AGPS: variants seen among roughly 807,000 people sequenced by gnomAD.
AGPS encodes the protein alkyldihydroxyacetonephosphate synthase, peroxisomal.
AGPS carries 26 observed loss-of-function variants against 90.7 expected under a neutral mutation model. The ratio of observed to expected loss-of-function variants is 0.29; its 90% CI spans 0.21 to 0.40. The LOEUF is 0.40. Among genes scored for constraint, AGPS ranks in the 10% least tolerant of loss-of-function variants. The probability of loss-of-function intolerance (pLI) is 1.00; values close to 1 mark genes in which losing one functional copy is unlikely to be tolerated. For missense variants in AGPS, 540 were observed against 816.1 expected, an observed-to-expected ratio of 0.66 and a Z score of 4.12; for synonymous variants, 294 against 285.3, an observed-to-expected ratio of 1.03 and a Z score of -0.31.
chr2:177,524,976 T>C (rs1219830224), intron 19 of AGPS, among the ~76,000 whole-genome samples: 1 of 152,238 alleles, frequency 6.6e-6, no homozygotes, highest in Non-Finnish European at 1.5e-5. Flanking sequence ...TCTTTTGCTA[T>C]ACTTTTCTCT....
intron 14 of AGPS, among the ~76,000 whole-genome samples, chr2:177,503,565 A>C (rs534396333): frequency 6.6e-6 from 1 of 152,146 alleles, no homozygotes; most frequent in Non-Finnish European, 1.5e-5. Context: ...TAGGGGATCG[A>C]TGTTGCTACT....
At chr2:177,516,889 A>G (rs374091574) in intron 17 of AGPS, among the ~76,000 whole-genome samples, 4 of 152,072 alleles carry the variant, frequency 2.6e-5, no homozygotes, top group African/African-American at 7.2e-5. Flanking sequence ...TAAACTTTGT[A>G]TATCTGGTAC....
chr2:177,484,357 T>C (rs1688034338), intron 11 of AGPS, among the ~76,000 whole-genome samples: 1 of 152,086 alleles, frequency 6.6e-6, no homozygotes, highest in Admixed American at 6.5e-5. Context: ...TTTGTTTGTT[T>C]TTTTAAGATG....
chr2:177,432,906 A>G (rs1686286096), intron 2 of AGPS, among the ~76,000 whole-genome samples: 1 of 152,192 alleles, frequency 6.6e-6, no homozygotes, highest in Non-Finnish European at 1.5e-5. Flanking sequence ...GAGAGATGGT[A>G]GGGAGGTGCC....
At chr2:177,501,492 A>G (rs1473193863) in intron 14 of AGPS, among the ~76,000 whole-genome samples, 2 of 152,132 alleles carry the variant, frequency 1.3e-5, no homozygotes, top group African/African-American at 4.8e-5. Flanking sequence ...AGTTCATTCT[A>G]GATACTTGAT....
At chr2:177,420,107 T>G (rs1210151710) in intron 1 of AGPS, among the ~76,000 whole-genome samples, 162 bp from the exon 2 acceptor site, 1 of 151,846 alleles carries the variant, frequency 6.6e-6, no homozygotes, top group African/African-American at 2.4e-5. Flanking sequence ...TCAGAAATAT[T>G]AGTATATGGA....
At chr2:177,409,165 A>T in intron 1 of AGPS, among the ~76,000 whole-genome samples, 1 of 147,716 alleles carries the variant, frequency 6.8e-6, no homozygotes, top group African/African-American at 2.5e-5. Context: ...GCTACTGCTG[A>T]TTTTTTTTTT....
chr2:177,516,474 T>C (rs1302341364), intron 17 of AGPS, among the ~76,000 whole-genome samples: 1 of 152,156 alleles, frequency 6.6e-6, no homozygotes, highest in South Asian at 2.1e-4. Flanking sequence ...AGTGTTTAAG[T>C]GTCTTAAATG....
At chr2:177,454,382 C>T (rs1574380851) in intron 8 of AGPS, among the ~76,000 whole-genome samples, 1 of 151,810 alleles carries the variant, frequency 6.6e-6, no homozygotes, top group African/African-American at 2.4e-5. Context: ...TTTTTCATCT[C>T]CAGATGTTTA....
At chr2:177,414,586 ATAG>A (rs2105602503) in intron 1 of AGPS, among the ~76,000 whole-genome samples, 1 of 152,334 alleles carries the variant, frequency 6.6e-6, no homozygotes, top group South Asian at 2.1e-4. Flanking sequence ...GGTTTACCAT[ATAG>A]TTGAAGCTGT....
At chr2:177,474,504 A>T (rs972259088) in intron 10 of AGPS, among the ~76,000 whole-genome samples, 1 of 151,990 alleles carries the variant, frequency 6.6e-6, no homozygotes, top group Admixed American at 6.6e-5. Flanking sequence ...ACTGTACCCC[A>T]CTCTTCCAGT....
intron 1 of AGPS, among the ~76,000 whole-genome samples, chr2:177,419,302 A>C (rs886187434): frequency 2.0e-5 from 3 of 151,942 alleles, no homozygotes; most frequent in Non-Finnish European, 4.4e-5. Context: ...CTTTATTTTG[A>C]AATTTTAATG....
chr2:177,526,227 CTTT>C (rs749224337), intron 19 of AGPS, among the ~76,000 whole-genome samples: 3 of 124,310 alleles, frequency 2.4e-5, no homozygotes, highest in Admixed American at 8.2e-5. Context: ...AGCTTCTTGT[CTTT>C]TTTTTTTTTT....
intron 1 of AGPS, among the ~76,000 whole-genome samples, chr2:177,400,673 TA>T (rs2105585924): frequency 6.6e-6 from 1 of 152,364 alleles, no homozygotes; most frequent in South Asian, 2.1e-4. Flanking sequence ...TTGAAATTAC[TA>T]ATCAGAGATT....
Position 177,392,837 on chromosome 2 carries a change from C to T in AGPS, c.48C>T (p.Gly16=), listed in dbSNP as rs771444195. Residue 16 remains glycine (G), a synonymous_variant, in exon 1 of 20, where the codon GGC becomes GGT. Transcript: ENST00000264167. ...AAAGGTGLGA[G]ASYGSAADRD... Reference sequence around the variant, plus strand: ...CGGGTGGGACTGGCTTGGGCGCGGGCGCGAGCTACGGGTCTGCAGCGGACC... The same window carrying T: ...CGGGTGGGACTGGCTTGGGCGCGGGTGCGAGCTACGGGTCTGCAGCGGACC... 1.9e-5 allele frequency: 29 copies of T among 1,546,350 alleles called. 1 individual carries two copies. The highest frequency in any genetic ancestry group is 4.3e-4 in the Middle Eastern group (2 of 4,690).
At chr2:177,447,072 T>A (rs1366397577) in intron 8 of AGPS, among the ~76,000 whole-genome samples, 1 of 152,182 alleles carries the variant, frequency 6.6e-6, no homozygotes, top group Admixed American at 6.5e-5. Context: ...AAAGTCCAAT[T>A]TGTTAGTGAT....
At chr2:177,473,939 A>G (rs138217840) in intron 10 of AGPS, among the ~76,000 whole-genome samples, 1 of 152,234 alleles carries the variant, frequency 6.6e-6, no homozygotes, top group African/African-American at 2.4e-5. Context: ...ATTTATGGTG[A>G]GTTTCACTAC....
intron 8 of AGPS, among the ~76,000 whole-genome samples, chr2:177,450,500 T>A (rs1686905718): frequency 6.6e-6 from 1 of 152,172 alleles, no homozygotes. Context: ...AAGTTAATGA[T>A]TTTTGCACAT....
intron 1 of AGPS, among the ~76,000 whole-genome samples, chr2:177,419,905 C>G (rs1469340620): frequency 1.3e-5 from 2 of 151,554 alleles, no homozygotes; most frequent in Non-Finnish European, 3.0e-5. Context: ...ACTTTGTTTC[C>G]TTAGTTTTAA....
Sources: gnomAD v4.1 joint callset for allele counts (sites outside exome capture counted in the v4.1 genomes callset) on GRCh38, gnomAD v4.1.1 for gene constraint, MANE v1.5 for transcripts, NCBI Gene and HGNC (gene_info 2026-07-23, HGNC 2026-07-21) for gene names.